The following CNTN3 variants were observed in gnomAD, a reference collection of about 807,000 sequenced individuals.
CNTN3 encodes the protein contactin-3.
CNTN3 carries 60 observed loss-of-function variants against 119.1 expected under a neutral mutation model. The ratio of observed to expected loss-of-function variants is 0.50; its 90% CI spans 0.41 to 0.62. The LOEUF is 0.62. Ranked by LOEUF, CNTN3 falls within the 20% of genes least tolerant of loss-of-function variation. The pLI is 0.00. For missense variants in CNTN3, 1,101 were observed against 1,242.4 expected, an observed-to-expected ratio of 0.89 and a Z score of 1.71; for synonymous variants, 450 against 438.7, an observed-to-expected ratio of 1.03 and a Z score of -0.32.
chr3:74,551,061 T>G (rs1439868140), intron 1 of CNTN3, among the ~76,000 whole-genome samples: 3 of 152,210 alleles, frequency 2.0e-5, no homozygotes, highest in Admixed American at 6.5e-5. Flanking sequence ...TACATGAGAC[T>G]CCTTGTACCT....
intron 4 of CNTN3, among the ~76,000 whole-genome samples, chr3:74,460,279 T>C (rs769778910): frequency 1.2e-4 from 19 of 152,022 alleles, no homozygotes; most frequent in Non-Finnish European, 2.5e-4. Flanking sequence ...AAGTTTTTTA[T>C]ATCCAATAAC....
At chr3:74,508,659 C>G (rs935691539) in intron 2 of CNTN3, among the ~76,000 whole-genome samples, 1 of 151,898 alleles carries the variant, frequency 6.6e-6, no homozygotes, top group Non-Finnish European at 1.5e-5. Flanking sequence ...AACTTTTTTC[C>G]TTTATATTCT....
chr3:74,437,212 AC>A (rs1559600969), intron 4 of CNTN3, among the ~76,000 whole-genome samples: 1 of 152,164 alleles, frequency 6.6e-6, no homozygotes, highest in Non-Finnish European at 1.5e-5. Flanking sequence ...TAATCCCAGC[AC>A]TTTGGGAGAC....
chr3:74,291,952 T>G (rs1429496792), intron 19 of CNTN3, among the ~76,000 whole-genome samples: 1 of 152,094 alleles, frequency 6.6e-6, no homozygotes, highest in Non-Finnish European at 1.5e-5. Context: ...CCAGGAGGCT[T>G]TGTAAGCTTC....
intron 13 of CNTN3, among the ~76,000 whole-genome samples, chr3:74,318,536 A>C (rs1413450525): frequency 6.6e-6 from 1 of 152,040 alleles, no homozygotes; most frequent in Non-Finnish European, 1.5e-5. Context: ...CCTTTCTGTT[A>C]GTTTTCCTTC....
intron 13 of CNTN3, among the ~76,000 whole-genome samples, chr3:74,326,365 T>A (rs1703130528): frequency 6.6e-6 from 1 of 152,172 alleles, no homozygotes; most frequent in Non-Finnish European, 1.5e-5. Context: ...TTGTACATAT[T>A]TATGCATTAC....
At chr3:74,455,608 GT>G (rs1427875638) in intron 4 of CNTN3, among the ~76,000 whole-genome samples, 1 of 151,996 alleles carries the variant, frequency 6.6e-6, no homozygotes, top group Admixed American at 6.6e-5. Flanking sequence ...TTTCTGCTCT[GT>G]TTTTTCCCCA....
chr3:74,357,987 A>G (rs1703979248), intron 11 of CNTN3, among the ~76,000 whole-genome samples: 1 of 152,140 alleles, frequency 6.6e-6, no homozygotes, highest in Admixed American at 6.5e-5. Context: ...CTGCAGACCA[A>G]GTTAAGAGGG....
At chr3:74,265,842 A>T (rs984789635) in intron 22 of CNTN3, among the ~76,000 whole-genome samples, 2 of 152,190 alleles carry the variant, frequency 1.3e-5, no homozygotes, top group African/African-American at 4.8e-5. Flanking sequence ...TGAGGCCAGA[A>T]AACTCCAGAC....
intron 13 of CNTN3, among the ~76,000 whole-genome samples, chr3:74,329,000 G>A (rs1166014142): frequency 3.3e-5 from 5 of 152,192 alleles, no homozygotes; most frequent in African/African-American, 1.2e-4. Flanking sequence ...AATACCCCCA[G>A]AAGTTGTTTG....
chr3:74,344,289 G>C (rs962440990), intron 11 of CNTN3, among the ~76,000 whole-genome samples: 1 of 150,822 alleles, frequency 6.6e-6, no homozygotes, highest in Admixed American at 6.6e-5. Context: ...CTGCTGTTGA[G>C]TTCTTGCAAG....
At chr3:74,335,408 TG>T (rs1247963276) in intron 12 of CNTN3, among the ~76,000 whole-genome samples, 4 of 152,122 alleles carry the variant, frequency 2.6e-5, no homozygotes, top group African/African-American at 4.8e-5. Flanking sequence ...TGCTAATTAA[TG>T]TCTGTTTTTC....
chr3:74,393,937 T>C (rs1330121662), intron 5 of CNTN3, among the ~76,000 whole-genome samples: 3 of 152,110 alleles, frequency 2.0e-5, no homozygotes, highest in Non-Finnish European at 4.4e-5. Context: ...TAGAGCATCA[T>C]AAAAGTACAT....
intron 5 of CNTN3, among the ~76,000 whole-genome samples, chr3:74,422,188 C>T (rs1034060680): frequency 3.3e-5 from 5 of 152,128 alleles, no homozygotes; most frequent in African/African-American, 1.2e-4. Context: ...AGACAGTGGA[C>T]GTGAATTGTG....
intron 4 of CNTN3, among the ~76,000 whole-genome samples, chr3:74,446,141 T>C (rs1329341207): frequency 1.3e-5 from 2 of 152,182 alleles, no homozygotes; most frequent in Non-Finnish European, 2.9e-5. Context: ...TTAATAGTTG[T>C]GTAACTCTGG....
chr3:74,353,578 A>G (rs1317002081), intron 11 of CNTN3, among the ~76,000 whole-genome samples: 1 of 152,120 alleles, frequency 6.6e-6, no homozygotes, highest in Non-Finnish European at 1.5e-5. Context: ...AACACGGTGA[A>G]ACCCCGTCTC....
chr3:74,517,798 C>T (rs1391930342), intron 2 of CNTN3, among the ~76,000 whole-genome samples: 1 of 151,878 alleles, frequency 6.6e-6, no homozygotes, highest in African/African-American at 2.4e-5. Flanking sequence ...CATACTTCAT[C>T]CTTAAACCTT....
At chr3:74,395,737 TTATTGTGCTTTGCA>T in intron 5 of CNTN3, among the ~76,000 whole-genome samples, 1 of 55,120 alleles carries the variant, frequency 1.8e-5, no homozygotes, top group Admixed American at 1.8e-4. Context: ...TGTGCTTTGC[TTATTGTGCTTTGCA>T]GATATTGTGT....
At chr3:74,452,956 A>G (rs1702189324) in intron 4 of CNTN3, among the ~76,000 whole-genome samples, 2 of 151,200 alleles carry the variant, frequency 1.3e-5, no homozygotes, top group South Asian at 2.1e-4. Context: ...ATGTTCATCA[A>G]GGATATTGGT....
Sources: allele counts gnomAD v4.1 joint callset (sites outside exome capture counted in the v4.1 genomes callset), GRCh38; gene constraint gnomAD v4.1.1; transcripts MANE v1.5; gene names NCBI Gene and HGNC (gene_info 2026-07-23, HGNC 2026-07-21).